Variants in FAM168B observed in about 807,000 individuals in gnomAD.
FAM168B encodes the protein myelin-associated neurite-outgrowth inhibitor.
A neutral mutation model predicts 21.8 loss-of-function variants in FAM168B; 19 were observed. The ratio of observed to expected loss-of-function variants is 0.87; its 90% confidence interval spans 0.61 to 1.28. FAM168B has a LOEUF of 1.28. Ranked by LOEUF, FAM168B falls within the 50% of genes most tolerant of loss-of-function variation. The pLI is 0.00. For synonymous variants in FAM168B, 126 were observed against 104.8 expected (o/e 1.20, Z -1.24); for missense variants, 233 against 263.1 (o/e 0.89, Z 0.79).
intron 1 of FAM168B, 60 bp from the exon 2 acceptor site, chr2:131,082,717 C>T (rs1693482761): frequency 6.4e-6 from 7 of 1,095,748 alleles, no homozygotes; most frequent in Non-Finnish European, 8.0e-6. Context: ...TTCTCCAGTA[C>T]CAGTCCCCAA....
At chr2:131,067,863 A>G (rs1692652561) in intron 3 of FAM168B, among the ~76,000 whole-genome samples, 1 of 152,188 alleles carries the variant, frequency 6.6e-6, no homozygotes, top group Admixed American at 6.5e-5. Flanking sequence ...AAAAAGGGAA[A>G]GGCTCACTGA....
At chr2:131,068,334 T>C (rs913418744) in intron 3 of FAM168B, among the ~76,000 whole-genome samples, 2 of 152,150 alleles carry the variant, frequency 1.3e-5, no homozygotes, top group Non-Finnish European at 2.9e-5. Flanking sequence ...CATTTTTGTA[T>C]TTTTAGTAGA....
intron 3 of FAM168B, among the ~76,000 whole-genome samples, chr2:131,058,216 TG>T (rs1475354520): frequency 6.6e-6 from 1 of 152,170 alleles, no homozygotes; most frequent in African/African-American, 2.4e-5. Flanking sequence ...TGGGGCCTTT[TG>T]TTTGGGGTGC....
rs1691464341 is a variant in FAM168B at position 131,048,859 on chromosome 2, G to A, written c.*3606C>T. ...AGCCACACCCCTGCCACCTGCTGCT[G>A]CGCCCAATGGAGGTCCTGTCCTGTC... On this transcript the variant is annotated 3_prime_UTR_variant, in exon 7 of 7. Transcript: ENST00000389915. The A allele has an allele frequency of 1.0e-5, 10 of 986,252 alleles. No homozygotes were observed. Among genetic ancestry groups the A allele is most frequent in the Non-Finnish European group, 4.8e-6 (4 of 830,218 alleles). 61.1% of individuals were successfully genotyped at this position (986,252 alleles called of 1,614,324 possible). A position where few individuals can be genotyped will look rare whatever the true frequency, so the allele number is the denominator to read the frequency against.
chr2:131,072,281 A>C (rs1057115577), intron 2 of FAM168B, among the ~76,000 whole-genome samples: 1 of 149,714 alleles, frequency 6.7e-6, no homozygotes, highest in Non-Finnish European at 1.5e-5. Context: ...GTGTCACCAC[A>C]CCTGGCTAAT....
intron 1 of FAM168B, among the ~76,000 whole-genome samples, chr2:131,083,561 C>T (rs1171139648): frequency 1.3e-5 from 2 of 152,080 alleles, no homozygotes; most frequent in African/African-American, 4.8e-5. Context: ...TGGGGAAAAC[C>T]CTACAAGTAA....
chr2:131,077,212 TAAAAAAAA>T (rs34175924), intron 2 of FAM168B, among the ~76,000 whole-genome samples: 8 of 130,270 alleles, frequency 6.1e-5, no homozygotes, highest in African/African-American at 1.4e-4. Context: ...CTATTACATT[TAAAAAAAA>T]AAAAAAAAAA....
rs1434530727 is a variant in FAM168B at position 131,052,468 on chromosome 2, CAG to C, written c.*13-18_*13-17del. The C allele has an allele frequency of 4.0e-6, 4 of 999,362 alleles. No homozygotes were observed. The highest frequency in any genetic ancestry group is 1.7e-5 in the African/African-American group (1 of 57,302). 61.9% of individuals were successfully genotyped at this position (999,362 alleles called of 1,614,324 possible). A position where few individuals can be genotyped will look rare whatever the true frequency, so the allele number is the denominator to read the frequency against. Reference sequence around the variant, plus strand: ...GTCCTCAAACCTGCAGAAAGGAAGACAGACACTCAGTCACACAGAGCTCTTCC... The same window carrying C: ...GTCCTCAAACCTGCAGAAAGGAAGACACACTCAGTCACACAGAGCTCTTCC... On this transcript the variant is annotated splice_polypyrimidine_tract_variant and intron_variant, in intron 6 of 6. Transcript: ENST00000389915.
chr2:131,081,150 G>A (rs762312891), intron 2 of FAM168B, among the ~76,000 whole-genome samples: 3 of 152,092 alleles, frequency 2.0e-5, no homozygotes, highest in African/African-American at 4.8e-5. Flanking sequence ...ATTTCTTAAA[G>A]TTCCAGCTAG....
chr2:131,052,489 C>A, intron 6 of FAM168B, 37 bp from the exon 7 acceptor site: 1 of 1,011,120 alleles, frequency 9.9e-7, no homozygotes. Flanking sequence ...TCACACAGAG[C>A]TCTTCCGGCA....
intron 3 of FAM168B, among the ~76,000 whole-genome samples, chr2:131,067,653 T>C (rs184109178): frequency 7.2e-5 from 11 of 152,132 alleles, no homozygotes; most frequent in South Asian, 2.1e-4. Flanking sequence ...TGAGGCAGGA[T>C]TGCTTGGCAG....
At chr2:131,060,278 C>A (rs759334562) in intron 3 of FAM168B, among the ~76,000 whole-genome samples, 3 of 152,112 alleles carry the variant, frequency 2.0e-5, no homozygotes, top group Non-Finnish European at 4.4e-5. Context: ...CCTGCCTTGG[C>A]CTCCCAAAGT....
At position 131,062,142 on chromosome 2, in the gene FAM168B, A is replaced by G. The variant is rs991883329; in HGVS notation, c.155-6447T>C. Among the ~76,000 whole-genome samples the G allele has an allele frequency of 1.2e-4, 19 of 152,216 alleles. 1 individual carries two copies. On this transcript the variant is annotated intron_variant, in intron 3 of 6. Coordinates refer to ENST00000389915, the MANE Select transcript of FAM168B (RefSeq NM_001009993.4). ...TTTTATCACTCTTCAAACTGCAGAA[A>G]GAGCTCAGAGTGAAGAGAAGATGCA... is the stretch of plus-strand genomic sequence containing the variant.
At chr2:131,062,374 T>C (rs1482210560) in intron 3 of FAM168B, among the ~76,000 whole-genome samples, 1 of 152,236 alleles carries the variant, frequency 6.6e-6, no homozygotes, top group East Asian at 1.9e-4. Context: ...CTTCCTTTTC[T>C]TCTACTGGAA....
chr2:131,053,318 G>A (rs959468790), intron 5 of FAM168B, among the ~76,000 whole-genome samples: 2 of 152,184 alleles, frequency 1.3e-5, no homozygotes, highest in Non-Finnish European at 2.9e-5. Flanking sequence ...CCTTAACAAG[G>A]AAGGAGATTC....
In FAM168B at chr2:131,062,589, A is replaced by C. The variant is rs533465291; in HGVS notation, c.155-6894T>G. Among the ~76,000 whole-genome samples, 3 of 152,308 alleles carry C rather than the reference A, an allele frequency of 2.0e-5. No individual in the cohort carries two copies. In the East Asian group the frequency reaches 5.8e-4, roughly 29 times the overall value. On this transcript the variant is annotated intron_variant, in intron 3 of 6. Transcript: ENST00000389915. ...CAGCCTCCCGAGTAGCTGGGATTAC[A>C]AGCGTGCACCACCATGCTTAGCTAA...
chr2:131,090,336 A>AAAAG (rs1379114015), intron 1 of FAM168B, among the ~76,000 whole-genome samples: 7 of 151,216 alleles, frequency 4.6e-5, no homozygotes, highest in South Asian at 2.1e-4. Flanking sequence ...AAAAAAAAAA[A>AAAAG]AAAGAAAGAA....
intron 3 of FAM168B, among the ~76,000 whole-genome samples, chr2:131,059,937 TA>T (rs1692210049): frequency 6.6e-6 from 1 of 152,054 alleles, no homozygotes; most frequent in African/African-American, 2.4e-5. Context: ...AGATCAGCCA[TA>T]AGGTGGTAAC....
At chr2:131,056,111 TAC>T (rs771997968) in intron 3 of FAM168B, among the ~76,000 whole-genome samples, 4 of 152,172 alleles carry the variant, frequency 2.6e-5, no homozygotes, top group Non-Finnish European at 5.9e-5. Context: ...CATGGATCTA[TAC>T]ACACACAGAG....
Sources: allele counts gnomAD v4.1 joint callset (sites outside exome capture counted in the v4.1 genomes callset), GRCh38; gene constraint gnomAD v4.1.1; transcripts MANE v1.5; gene names NCBI Gene and HGNC (gene_info 2026-07-23, HGNC 2026-07-21).